GCNT1: variants seen among roughly 807,000 people sequenced by gnomAD.
The protein encoded by GCNT1 is beta-1,3-galactosyl-O-glycosyl-glycoprotein beta-1,6-N-acetylglucosaminyltransferase.
GCNT1 carries 16 observed loss-of-function variants against 26.2 expected under a neutral mutation model. The ratio of observed to expected loss-of-function variants is 0.61; its 90% CI spans 0.41 to 0.93. The LOEUF (loss-of-function observed/expected upper bound fraction) is 0.93. Ranked by LOEUF, GCNT1 falls within the 40% of genes least tolerant of loss-of-function variation. The probability of loss-of-function intolerance (pLI) is 0.00; values close to 1 mark genes in which losing one functional copy is unlikely to be tolerated. For missense variants in GCNT1, 477 were observed against 526.7 expected, an observed-to-expected ratio of 0.91 and a Z score of 0.92; for synonymous variants, 183 against 190.8, an observed-to-expected ratio of 0.96 and a Z score of 0.34.
chr9:76,402,929 C>G, the GCNT1 span, among the ~76,000 whole-genome samples: 1 of 152,122 alleles, frequency 6.6e-6, no homozygotes, highest in East Asian at 1.9e-4. Context: ...CTGCCTGCCT[C>G]GGCCTCCCAG....
chr9:76,481,137 C>G (rs1018389277), intron 2 of GCNT1, among the ~76,000 whole-genome samples: 3 of 152,034 alleles, frequency 2.0e-5, no homozygotes, highest in Non-Finnish European at 4.4e-5. Flanking sequence ...ACTCAGGAGG[C>G]TGAGGTTGCA....
At chr9:76,478,905 T>A (rs785935) in intron 2 of GCNT1, among the ~76,000 whole-genome samples, 1 of 152,172 alleles carries the variant, frequency 6.6e-6, no homozygotes, top group Non-Finnish European at 1.5e-5. Context: ...ATGTGCACAA[T>A]GTGCAGGTTT....
At chr9:76,435,318 T>A (rs1486855950) in intron 1 of GCNT1, among the ~76,000 whole-genome samples, 1 of 152,164 alleles carries the variant, frequency 6.6e-6, no homozygotes, top group Non-Finnish European at 1.5e-5. Context: ...GTCTTTCTCT[T>A]TATTTCTCAG....
chr9:76,413,658 T>TG, the GCNT1 span, among the ~76,000 whole-genome samples: 2,388 of 67,902 alleles, frequency 0.035, 44 homozygotes, highest in African/African-American at 0.14. Context: ...GTTTTGTTTT[T>TG]TTTTTTTTTG....
At chr9:76,498,130 T>G (rs1769536041) in intron 2 of GCNT1, among the ~76,000 whole-genome samples, 1 of 152,240 alleles carries the variant, frequency 6.6e-6, no homozygotes, top group Non-Finnish European at 1.5e-5. Context: ...TTATCTACAT[T>G]GTATGGAACT....
chr9:76,469,703 C>T (rs560499628), intron 2 of GCNT1, among the ~76,000 whole-genome samples: 10 of 152,318 alleles, frequency 6.6e-5, no homozygotes, highest in African/African-American at 1.7e-4. Context: ...TCCAGCGAGG[C>T]GCCCATTGCC....
intron 2 of GCNT1, among the ~76,000 whole-genome samples, chr9:76,499,782 G>A (rs944942081): frequency 6.6e-6 from 1 of 152,004 alleles, no homozygotes; most frequent in African/African-American, 2.4e-5. Flanking sequence ...TCTTACATTA[G>A]TGTGGTACAT....
At chr9:76,413,653 G>GTTTTTTTTTTTTTTTTTT in the GCNT1 span, among the ~76,000 whole-genome samples, 191 of 118,640 alleles carry the variant, frequency 1.6e-3, no homozygotes, top group East Asian at 4.9e-3. Flanking sequence ...GTTTTGTTTT[G>GTTTTTTTTTTTTTTTTTT]TTTTTTTTTT....
In GCNT1 at chr9:76,501,029, CTAAG is replaced by C. The variant is rs1350417979; in HGVS notation, c.-174_-171del. Reference sequence around the variant, plus strand: ...GGCAGGATGTCACCTGGAATCAGCACTAAGTGATTCAGACTTTCCTTACTTTTAA... The same window carrying C: ...GGCAGGATGTCACCTGGAATCAGCACTGATTCAGACTTTCCTTACTTTTAA... On this transcript the variant is annotated 5_prime_UTR_variant, in exon 3 of 4. An upstream open reading frame in the 5' UTR loses its in-frame stop. Coordinates refer to ENST00000376730, the MANE Select transcript of GCNT1 (RefSeq NM_001490.5). The C allele has an allele frequency of 5.9e-5, 9 of 152,194 alleles. No individual in the cohort carries two copies. 9.4% of individuals were successfully genotyped at this position (152,194 alleles called of 1,614,324 possible). A position where few individuals can be genotyped will look rare whatever the true frequency, so the allele number is the denominator to read the frequency against.
chr9:76,395,369 C>T, the GCNT1 span, among the ~76,000 whole-genome samples: 2 of 151,726 alleles, frequency 1.3e-5, no homozygotes, highest in African/African-American at 2.4e-5. Flanking sequence ...CTGTGCAGAC[C>T]GTGTAGTCTC....
chr9:76,503,329 C>T lies in GCNT1; in HGVS notation c.948C>T (p.Tyr316=), dbSNP rs374861458. The change falls in exon 4 of 4, where the codon TAC becomes TAT. Residue 316 remains tyrosine (Y), a synonymous_variant. Coordinates refer to ENST00000376730, the MANE Select transcript of GCNT1 (RefSeq NM_001490.5). ...TGATGGAGTGGGCACAAGACACATACAGCCCTGATGAGTATCTCTGGGCCA... is the reference window on the plus strand; with the variant it reads ...TGATGGAGTGGGCACAAGACACATATAGCCCTGATGAGTATCTCTGGGCCA... ...QKLMEWAQDT[Y]SPDEYLWATI... 5.6e-6 allele frequency: 9 copies of T among 1,613,976 alleles called. No individual in the cohort carries two copies. Among genetic ancestry groups the T allele is most frequent in the African/African-American group, 1.3e-5 (1 of 74,914 alleles).
intron 2 of GCNT1, among the ~76,000 whole-genome samples, chr9:76,492,817 G>A (rs1282160257): frequency 6.6e-6 from 1 of 151,952 alleles, no homozygotes; most frequent in Non-Finnish European, 1.5e-5. Flanking sequence ...TTGTCTGAGA[G>A]CCATGACTAA....
In GCNT1 at chr9:76,502,920, G is replaced by A. The variant is rs766336364; in HGVS notation, c.539G>A (p.Ser180Asn). Reference sequence around the variant, plus strand: ...TGTTTTAGTAATGTCTTTGTGGCCAGCCGATTGGAGAGTGTGGTTTATGCA... The same window carrying A: ...TGTTTTAGTAATGTCTTTGTGGCCAACCGATTGGAGAGTGTGGTTTATGCA... ...ASCFSNVFVA[S>N]RLESVVYASW... is the part of the protein sequence containing the mutation. Residue 180 changes from serine (S) to asparagine (N), a missense_variant, in exon 4 of 4, where the codon AGC becomes AAC. Physicochemically the swap from Ser to Asn is conservative, Grantham distance 46 (BLOSUM62 1). Transcript: ENST00000376730. 1.2e-5 allele frequency: 19 copies of A among 1,613,240 alleles called. No homozygotes were observed. The highest frequency in any genetic ancestry group is 4.2e-6 in the Non-Finnish European group (5 of 1,180,030).
intron 1 of GCNT1, among the ~76,000 whole-genome samples, chr9:76,443,925 GGA>G (rs1823525193): frequency 1.8e-5 from 1 of 57,018 alleles, no homozygotes; most frequent in African/African-American, 7.4e-5. Context: ...AAGGAAGAAA[GGA>G]AGAAAGGAAG....
At chr9:76,478,586 C>G (rs958897054) in intron 2 of GCNT1, among the ~76,000 whole-genome samples, 1 of 152,216 alleles carries the variant, frequency 6.6e-6, no homozygotes, top group Non-Finnish European at 1.5e-5. Flanking sequence ...AATAGCATAT[C>G]TGTTTTATTG....
At chr9:76,399,717 A>C in the GCNT1 span, 6 of 613,614 alleles carry the variant, frequency 9.8e-6, no homozygotes, top group Non-Finnish European at 1.7e-5. Flanking sequence ...CACTGAATGC[A>C]AATGGAATGG....
chr9:76,472,006 G>A (rs974448915), intron 2 of GCNT1, among the ~76,000 whole-genome samples: 4 of 152,172 alleles, frequency 2.6e-5, no homozygotes, highest in African/African-American at 2.4e-5. Context: ...GCTGGGCATG[G>A]TGGCTCAGCC....
In GCNT1 at chr9:76,428,292, T is replaced by TAAAAAAAAAAAAAAAAAAAAAAAAAAA. The variant is rs1279001629; in HGVS notation, n.38+8416_38+8417insAAAAAAAAAAAAAAAAAAAAAAAAAAA. On this transcript the variant is annotated intron_variant and non_coding_transcript_variant, in intron 1 of 3. Coordinates refer to the GCNT1 transcript ENST00000488136. Reference sequence around the variant, plus strand: ...AAAAAAAAAAAAAAAAAAAAAAACTTAAAAAAAAAAAGAGAGAGAGAAATG... The same window carrying TAAAAAAAAAAAAAAAAAAAAAAAAAAA: ...AAAAAAAAAAAAAAAAAAAAAAACTTAAAAAAAAAAAAAAAAAAAAAAAAAAAAAAAAAAAAAAGAGAGAGAGAAATG... 2.4e-4 allele frequency among the ~76,000 whole-genome samples: 21 copies of TAAAAAAAAAAAAAAAAAAAAAAAAAAA among 85,906 alleles called. 1 individual carries two copies. The highest frequency in any genetic ancestry group is 4.4e-4 in the Admixed American group (4 of 9,006). The allele number at this position is 85,906 out of a possible 152,430, so 56.4% of individuals were successfully genotyped here. A position where few individuals can be genotyped will look rare whatever the true frequency, so the allele number is the denominator to read the frequency against.
chr9:76,479,625 T>G (rs928551904), intron 2 of GCNT1, among the ~76,000 whole-genome samples: 4 of 152,242 alleles, frequency 2.6e-5, no homozygotes, highest in Admixed American at 6.5e-5. Context: ...TGATGAGCAT[T>G]TTTTCATATG....
Sources: allele counts gnomAD v4.1 joint callset (sites outside exome capture counted in the v4.1 genomes callset), GRCh38; gene constraint gnomAD v4.1.1; transcripts MANE v1.5; gene names NCBI Gene and HGNC (gene_info 2026-07-23, HGNC 2026-07-21).